SPTLC2: variants seen among roughly 807,000 people sequenced by gnomAD.
SPTLC2 encodes the protein serine palmitoyltransferase 2.
A neutral mutation model predicts 62.0 loss-of-function variants in SPTLC2; 21 were observed. The ratio of observed to expected loss-of-function variants is 0.34; its 90% confidence interval spans 0.24 to 0.49. The LOEUF is 0.49. SPTLC2 is among the 20% of genes least tolerant of loss of function. The pLI is 0.99. For synonymous variants in SPTLC2, 261 were observed against 261.8 expected, an observed-to-expected ratio of 1.00 and a Z score of 0.03; for missense variants, 511 against 713.0, an observed-to-expected ratio of 0.72 and a Z score of 3.23.
At chr14:77,615,047 C>T (rs908985903) in intron 1 of SPTLC2, among the ~76,000 whole-genome samples, 1 of 152,066 alleles carries the variant, frequency 6.6e-6, no homozygotes, top group African/African-American at 2.4e-5. Flanking sequence ...TTTCTAACTC[C>T]TACCCGTTAA....
intron 1 of SPTLC2, among the ~76,000 whole-genome samples, chr14:77,603,611 T>G (rs1402845371): frequency 6.6e-6 from 1 of 152,194 alleles, no homozygotes. Flanking sequence ...CATAAATTCC[T>G]TAGTTTTTGT....
chr14:77,535,718 C>T (rs1233246452), intron 9 of SPTLC2: 6 of 302,040 alleles, frequency 2.0e-5, no homozygotes, highest in Admixed American at 1.5e-4. Context: ...ACTCTCTGTA[C>T]GGATATCTAC....
At chr14:77,566,184 C>G (rs373988285) in intron 5 of SPTLC2, among the ~76,000 whole-genome samples, 3 of 106,180 alleles carry the variant, frequency 2.8e-5, no homozygotes, top group African/African-American at 1.0e-4. Context: ...TTTTAGACAG[C>G]CTTTTTTAGA....
At chr14:77,545,255 T>A (rs4899657) in intron 9 of SPTLC2, among the ~76,000 whole-genome samples, 145,750 of 151,740 alleles carry the variant, frequency 0.96, 70,291 homozygotes, top group East Asian at 1. Flanking sequence ...AAGCTCTTAG[T>A]AGGGTATCGG....
chr14:77,518,127 C>T lies in SPTLC2; in HGVS notation c.1480G>A (p.Val494Ile), dbSNP rs776007966. The T allele has an allele frequency of 2.7e-5, 43 of 1,614,110 alleles. No homozygotes were observed. The highest frequency in any genetic ancestry group is 3.6e-5 in the Non-Finnish European group (42 of 1,180,022). The part of the protein sequence containing the change: ...REMLKRNIGV[V>I]VVGFPATPII... ...GGGGTGGCAGGAAATCCAACCACAA[C>T]GACACCGATGTTCCGCTTCAGCATC... The change falls in exon 11 of 12, where the codon GTT (valine) becomes ATT (isoleucine). Residue 494 changes from valine (V) to isoleucine (I), a missense_variant. Transcript: ENST00000216484.
chr14:77,540,497 C>A (rs371778721), intron 9 of SPTLC2, among the ~76,000 whole-genome samples: 1 of 152,014 alleles, frequency 6.6e-6, no homozygotes, highest in Non-Finnish European at 1.5e-5. Flanking sequence ...TTTTTTGAGA[C>A]GGAGTCTTGC....
At chr14:77,561,027 G>GAAAA (rs35922322) in intron 6 of SPTLC2, among the ~76,000 whole-genome samples, 4 of 149,434 alleles carry the variant, frequency 2.7e-5, no homozygotes, top group Non-Finnish European at 4.4e-5. Flanking sequence ...AAATAAAAGT[G>GAAAA]AAAAAAAAAA....
intron 2 of SPTLC2, among the ~76,000 whole-genome samples, chr14:77,595,098 T>A (rs1019778187): frequency 6.6e-6 from 1 of 152,154 alleles, no homozygotes; most frequent in African/African-American, 2.4e-5. Flanking sequence ...GCACAGTGGC[T>A]CGCATCTGTA....
Position 77,598,710 on chromosome 14 carries a change from T to C in SPTLC2, c.133-1330A>G, listed in dbSNP as rs2140057545. Reference sequence around the variant, plus strand: ...ACTTTGGGAGGCCAAGGTGGGCAGATAACTTGAGCCCAGGAGTTTGAGACC... The same window carrying C: ...ACTTTGGGAGGCCAAGGTGGGCAGACAACTTGAGCCCAGGAGTTTGAGACC... On this transcript the variant is annotated intron_variant, in intron 1 of 11. Transcript: ENST00000216484. Among the ~76,000 whole-genome samples, 3 of 152,226 alleles carry C rather than the reference T, an allele frequency of 2.0e-5. No homozygotes were observed. In the Middle Eastern group the frequency reaches 0.01, roughly 521 times the overall value.
chr14:77,525,584 C>T (rs1287095531), intron 9 of SPTLC2, among the ~76,000 whole-genome samples: 5 of 138,544 alleles, frequency 3.6e-5, no homozygotes, highest in Admixed American at 7.6e-5. Flanking sequence ...AGTGAAACTC[C>T]GTCTCGAAAA....
intron 1 of SPTLC2, among the ~76,000 whole-genome samples, chr14:77,604,931 T>C (rs1397173912): frequency 6.6e-6 from 1 of 151,064 alleles, no homozygotes; most frequent in Non-Finnish European, 1.5e-5. Context: ...TCTGGAAAGC[T>C]ATAAATCAAA....
In SPTLC2 at chr14:77,518,075, C is replaced by G; in HGVS notation, c.1532G>C (p.Cys511Ser). 3.1e-6 allele frequency: 5 copies of G among 1,614,154 alleles called. No homozygotes were observed. Among genetic ancestry groups the G allele is most frequent in the Non-Finnish European group, 4.2e-6 (5 of 1,180,022 alleles). ...TPIIESRARF[C>S]LSAAHTKEIL... ...TTCTTTGGTATGAGCTGCTGACAGGCAAAACCTGGCTCTGGACTCAATAAT... is the reference window on the plus strand; with the variant it reads ...TTCTTTGGTATGAGCTGCTGACAGGGAAAACCTGGCTCTGGACTCAATAAT... The change falls in exon 11 of 12, where the codon TGC (cysteine) becomes TCC (serine). Residue 511 changes from cysteine (C) to serine (S), a missense_variant. Physicochemically the swap from Cys to Ser is moderately radical, Grantham distance 112 (BLOSUM62 -1). Transcript: ENST00000216484.
intron 10 of SPTLC2, 65 bp downstream of exon 10, chr14:77,521,381 G>A: frequency 1.3e-6 from 2 of 1,599,738 alleles, no homozygotes; most frequent in South Asian, 2.2e-5. Flanking sequence ...AAATACATAA[G>A]CCCTGGTCTC....
At chr14:77,545,311 G>A (rs1199184376) in intron 9 of SPTLC2, among the ~76,000 whole-genome samples, 1 of 151,192 alleles carries the variant, frequency 6.6e-6, no homozygotes, top group Non-Finnish European at 1.5e-5. Flanking sequence ...TTGTCTCCCA[G>A]GCTGCAGTGC....
chr14:77,555,696 A>G (rs2079579625), intron 7 of SPTLC2, among the ~76,000 whole-genome samples, 177 bp from the exon 8 acceptor site: 1 of 151,792 alleles, frequency 6.6e-6, no homozygotes, highest in Admixed American at 6.6e-5. Flanking sequence ...GCTTACTACA[A>G]TCCCTGACTC....
At chr14:77,525,049 AATACTC>A (rs1196609773) in intron 9 of SPTLC2, among the ~76,000 whole-genome samples, 2 of 152,228 alleles carry the variant, frequency 1.3e-5, no homozygotes, top group African/African-American at 4.8e-5. Flanking sequence ...ACATATCCAA[AATACTC>A]TGATTTGATC....
At chr14:77,607,909 A>C (rs1370233429) in intron 1 of SPTLC2, among the ~76,000 whole-genome samples, 1 of 152,246 alleles carries the variant, frequency 6.6e-6, no homozygotes, top group African/African-American at 2.4e-5. Flanking sequence ...GGTGGACTGC[A>C]GTACAACCAG....
intron 9 of SPTLC2, among the ~76,000 whole-genome samples, chr14:77,531,463 TCC>T (rs2079439037): frequency 4.1e-5 from 5 of 121,216 alleles, no homozygotes; most frequent in South Asian, 2.7e-4. Context: ...CTCCTCCTCC[TCC>T]TCCTCCTCCC....
At chr14:77,543,357 C>T (rs1203246557) in intron 9 of SPTLC2, among the ~76,000 whole-genome samples, 1 of 152,014 alleles carries the variant, frequency 6.6e-6, no homozygotes, top group Non-Finnish European at 1.5e-5. Context: ...GGGGCTGGAA[C>T]ATATCACAGG....
Sources: gnomAD v4.1 joint callset for allele counts (sites outside exome capture counted in the v4.1 genomes callset) on GRCh38, gnomAD v4.1.1 for gene constraint, MANE v1.5 for transcripts, NCBI Gene and HGNC (gene_info 2026-07-23, HGNC 2026-07-21) for gene names.